The following LRMDA variants were observed in gnomAD, a reference collection of about 807,000 sequenced individuals.
LRMDA encodes leucine rich melanocyte differentiation associated.
A neutral mutation model predicts 29.8 loss-of-function variants in LRMDA; 18 were observed. The ratio of observed to expected loss-of-function variants is 0.60; its 90% CI spans 0.42 to 0.90. The LOEUF (loss-of-function observed/expected upper bound fraction) is 0.90, where lower values mean the gene tolerates loss of function less well. Ranked by LOEUF, LRMDA falls within the 40% of genes least tolerant of loss-of-function variation. The pLI is 0.00. For synonymous variants in LRMDA, 125 were observed against 109.4 expected (o/e 1.14, Z -0.89); for missense variants, 273 against 273.9 (o/e 1.00, Z 0.02).
chr10:75,587,251 T>C (rs1057272567), intron 2 of LRMDA, among the ~76,000 whole-genome samples: 27 of 152,188 alleles, frequency 1.8e-4, no homozygotes, highest in African/African-American at 6.3e-4. Context: ...TAAACAGAAA[T>C]TTACATTCAT....
intron 6 of LRMDA, among the ~76,000 whole-genome samples, chr10:76,357,361 C>T (rs922677443): frequency 5.3e-5 from 8 of 152,132 alleles, no homozygotes; most frequent in African/African-American, 1.7e-4. Flanking sequence ...CCATAAACCA[C>T]GGAGTTCAGG....
intron 2 of LRMDA, among the ~76,000 whole-genome samples, chr10:76,003,269 C>T (rs936836624): frequency 3.3e-5 from 5 of 152,118 alleles, no homozygotes; most frequent in Non-Finnish European, 5.9e-5. Context: ...CATGAGTAGT[C>T]TCCCAAATCC....
chr10:76,036,134 A>C lies in LRMDA; in HGVS notation c.258A>C (p.Arg86=). ...RLHTLTLNKN[R]ITDLENLLDH... ...ATACCTTAACCCTCAACAAGAACCG[A>C]ATATCCTTTCCTCTGCCCGCTGCCC... Residue 86 remains arginine, a splice_region_variant and synonymous_variant, in exon 3 of 7, where the codon CGA becomes CGC. Transcript: ENST00000611255. 6.2e-7 allele frequency: 1 copy of C among 1,613,042 alleles called. No homozygotes were observed. Among genetic ancestry groups the C allele is most frequent in the Non-Finnish European group, 8.5e-7 (1 of 1,179,864 alleles).
intron 2 of LRMDA, among the ~76,000 whole-genome samples, chr10:75,769,057 A>G (rs944372849): frequency 3.3e-5 from 5 of 152,220 alleles, no homozygotes; most frequent in African/African-American, 9.6e-5. Flanking sequence ...TACATGTCCT[A>G]TGAAGCCTGT....
chr10:75,598,528 C>A (rs1046730689), intron 2 of LRMDA, among the ~76,000 whole-genome samples: 2 of 151,368 alleles, frequency 1.3e-5, no homozygotes, highest in African/African-American at 4.8e-5. Flanking sequence ...CCTTCTACTT[C>A]AATTATTTAA....
At chr10:76,186,949 G>A (rs1851161114) in intron 5 of LRMDA, among the ~76,000 whole-genome samples, 1 of 152,120 alleles carries the variant, frequency 6.6e-6, no homozygotes, top group Non-Finnish European at 1.5e-5. Context: ...GTGATTTTAT[G>A]TTAGTTTTAA....
chr10:75,644,686 C>T (rs910719856), intron 2 of LRMDA, among the ~76,000 whole-genome samples: 2 of 152,102 alleles, frequency 1.3e-5, no homozygotes, highest in African/African-American at 4.8e-5. Context: ...GCTAGCTCAT[C>T]CCCGAAAAGC....
At chr10:75,941,359 T>C (rs1325321960) in intron 2 of LRMDA, among the ~76,000 whole-genome samples, 1 of 152,176 alleles carries the variant, frequency 6.6e-6, no homozygotes, top group Non-Finnish European at 1.5e-5. Flanking sequence ...TAAAGTGTTA[T>C]TGTTGGGGCT....
chr10:76,303,611 T>C (rs1348751389), intron 5 of LRMDA, among the ~76,000 whole-genome samples: 1 of 152,166 alleles, frequency 6.6e-6, no homozygotes, highest in Admixed American at 6.5e-5. Flanking sequence ...TGATAGATAG[T>C]TGTCAATCTA....
intron 6 of LRMDA, among the ~76,000 whole-genome samples, chr10:76,549,683 C>G (rs1186283610): frequency 2.0e-5 from 3 of 152,086 alleles, no homozygotes; most frequent in Middle Eastern, 3.2e-3. Context: ...CTAGTGTTTA[C>G]TCTACTTTAT....
rs954490849 is a variant in LRMDA, at chr10:76,309,953, C to T, written c.517-14448C>T. ...AGGCCATTCATCACGCTTCCTAATG[C>T]GATTAATCAAGATACACCACAGTAC... On this transcript the variant is annotated intron_variant, in intron 5 of 6. Coordinates refer to ENST00000611255, the MANE Select transcript of LRMDA (RefSeq NM_001305581.2). Among the ~76,000 whole-genome samples, 5 of 152,166 alleles carry T rather than the reference C, an allele frequency of 3.3e-5. No individual in the cohort carries two copies. The South Asian group carries it at 6.2e-4, about 19-fold the overall frequency.
chr10:75,734,190 A>G (rs534498451), intron 2 of LRMDA, among the ~76,000 whole-genome samples: 1 of 152,220 alleles, frequency 6.6e-6, no homozygotes, highest in Non-Finnish European at 1.5e-5. Flanking sequence ...GTGGTTTGCC[A>G]GGATGATATG....
intron 5 of LRMDA, among the ~76,000 whole-genome samples, chr10:76,063,323 A>T (rs950917825): frequency 6.6e-6 from 1 of 152,202 alleles, no homozygotes; most frequent in Non-Finnish European, 1.5e-5. Flanking sequence ...CAGTGTGTTC[A>T]AACGTATGTT....
At chr10:75,506,789 G>A (rs1436140411) in intron 2 of LRMDA, among the ~76,000 whole-genome samples, 1 of 152,196 alleles carries the variant, frequency 6.6e-6, no homozygotes, top group African/African-American at 2.4e-5. Flanking sequence ...GTGTCTTGGA[G>A]TGTGAAAGCA....
intron 2 of LRMDA, among the ~76,000 whole-genome samples, chr10:75,460,647 A>C (rs1791411354): frequency 6.6e-6 from 1 of 152,208 alleles, no homozygotes; most frequent in Non-Finnish European, 1.5e-5. Flanking sequence ...ATACCAAAGG[A>C]AATAATCCAT....
intron 6 of LRMDA, among the ~76,000 whole-genome samples, chr10:76,453,326 A>G (rs1040444663): frequency 6.6e-6 from 1 of 152,212 alleles, no homozygotes; most frequent in African/African-American, 2.4e-5. Flanking sequence ...TTGTCTATTT[A>G]GTTGCCAACT....
At chr10:75,632,782 GTTTT>G (rs386371855) in intron 2 of LRMDA, among the ~76,000 whole-genome samples, 2 of 43,256 alleles carry the variant, frequency 4.6e-5, no homozygotes, top group South Asian at 8.2e-4. Flanking sequence ...GTTTAGTTTA[GTTTT>G]TTTTTTTTTT....
At chr10:76,463,114 T>A (rs1842529677) in intron 6 of LRMDA, among the ~76,000 whole-genome samples, 1 of 152,144 alleles carries the variant, frequency 6.6e-6, no homozygotes, top group South Asian at 2.1e-4. Context: ...GGATGGGTAG[T>A]GGGCCTACTT....
chr10:76,360,427 A>C (rs902924548), intron 6 of LRMDA, among the ~76,000 whole-genome samples: 4 of 152,176 alleles, frequency 2.6e-5, no homozygotes, highest in Non-Finnish European at 5.9e-5. Flanking sequence ...TATCTTTAAA[A>C]AGTAGAGACA....
Sources: gnomAD v4.1 joint callset for allele counts (sites outside exome capture counted in the v4.1 genomes callset) on GRCh38, gnomAD v4.1.1 for gene constraint, MANE v1.5 for transcripts, NCBI Gene and HGNC (gene_info 2026-07-23, HGNC 2026-07-21) for gene names.